PTPRM: variants seen among roughly 807,000 people sequenced by gnomAD.
PTPRM encodes the protein protein tyrosine phosphatase receptor type M.
PTPRM carries 47 observed loss-of-function variants against 186.7 expected under a neutral mutation model. The observed-to-expected ratio is 0.25, with a 90% CI of 0.20 to 0.32. The LOEUF is 0.32. Ranked by LOEUF, PTPRM falls within the 10% of genes least tolerant of loss-of-function variation. PTPRM has a pLI of 1.00. For missense variants in PTPRM, 1,494 were observed against 1,865.0 expected (o/e 0.80, Z 3.66); for synonymous variants, 668 against 674.9 (o/e 0.99, Z 0.16).
chr18:8,294,960 G>A (rs1347154308), intron 19 of PTPRM, among the ~76,000 whole-genome samples: 1 of 152,164 alleles, frequency 6.6e-6, no homozygotes, highest in Non-Finnish European at 1.5e-5. Flanking sequence ...TCGGTTGTAT[G>A]GTAACAGCAG....
intron 2 of PTPRM, among the ~76,000 whole-genome samples, chr18:7,804,252 G>A (rs540916404): frequency 1.3e-5 from 2 of 152,222 alleles, no homozygotes; most frequent in South Asian, 2.1e-4. Context: ...AACACTGAGG[G>A]GGGTGGGCTG....
At chr18:7,894,123 C>T (rs187071661) in intron 3 of PTPRM, among the ~76,000 whole-genome samples, 46 of 152,184 alleles carry the variant, frequency 3.0e-4, no homozygotes, top group South Asian at 2.7e-3. Context: ...ACACGTGTAC[C>T]GAGGAGATGC....
At chr18:7,631,497 G>C (rs2038191713) in intron 1 of PTPRM, among the ~76,000 whole-genome samples, 1 of 150,074 alleles carries the variant, frequency 6.7e-6, no homozygotes, top group African/African-American at 2.5e-5. Context: ...GGATTAATTG[G>C]TGGGTGCTGT....
intron 7 of PTPRM, among the ~76,000 whole-genome samples, chr18:7,984,596 TATATATACACAC>T (rs2082742231): frequency 8.5e-6 from 1 of 118,002 alleles, no homozygotes; most frequent in African/African-American, 3.5e-5. Flanking sequence ...TATATATATA[TATATATACACAC>T]ACACACACAC....
At chr18:8,396,749 C>G (rs185702285) in intron 32 of PTPRM, among the ~76,000 whole-genome samples, 17 of 152,278 alleles carry the variant, frequency 1.1e-4, no homozygotes, top group African/African-American at 4.1e-4. Flanking sequence ...GAAAGTTTTG[C>G]AATGTCTGGA....
At chr18:7,960,476 T>TACACACACAC (rs756838680) in intron 7 of PTPRM, among the ~76,000 whole-genome samples, 2 of 114,446 alleles carry the variant, frequency 1.7e-5, no homozygotes, top group African/African-American at 7.2e-5. Flanking sequence ...TATATATATA[T>TACACACACAC]ATATACACAC....
At chr18:8,024,020 G>A (rs887622498) in intron 7 of PTPRM, among the ~76,000 whole-genome samples, 5 of 152,048 alleles carry the variant, frequency 3.3e-5, no homozygotes, top group African/African-American at 1.2e-4. Flanking sequence ...TTTTTTATGG[G>A]CTACATGTAT....
At chr18:8,345,908 G>A (rs190353732) in intron 23 of PTPRM, among the ~76,000 whole-genome samples, 12 of 152,188 alleles carry the variant, frequency 7.9e-5, no homozygotes, top group African/African-American at 2.6e-4. Flanking sequence ...AATAGGATAG[G>A]AAAATGTATG....
intron 7 of PTPRM, among the ~76,000 whole-genome samples, chr18:8,013,996 A>G (rs1056501951): frequency 7.9e-5 from 12 of 152,200 alleles, no homozygotes; most frequent in African/African-American, 1.4e-4. Flanking sequence ...AGATTTCATC[A>G]TAAACAACAA....
At chr18:7,768,582 A>G (rs1404086926) in intron 1 of PTPRM, among the ~76,000 whole-genome samples, 1 of 152,154 alleles carries the variant, frequency 6.6e-6, no homozygotes, top group African/African-American at 2.4e-5. Context: ...GTAAATGTGC[A>G]AACTTATAGT....
chr18:7,836,432 G>A (rs1232958466), intron 2 of PTPRM, among the ~76,000 whole-genome samples: 2 of 152,076 alleles, frequency 1.3e-5, no homozygotes, highest in East Asian at 1.9e-4. Flanking sequence ...CTTGCACTAT[G>A]TCTTGAAAAG....
intron 7 of PTPRM, among the ~76,000 whole-genome samples, chr18:8,023,862 A>ACGCG (rs1257188289): frequency 1.3e-4 from 19 of 142,796 alleles, no homozygotes; most frequent in African/African-American, 4.7e-4. Context: ...ACACACACAC[A>ACGCG]CACACACACG....
intron 1 of PTPRM, among the ~76,000 whole-genome samples, chr18:7,726,158 C>T (rs2040545408): frequency 6.6e-6 from 1 of 152,172 alleles, no homozygotes; most frequent in South Asian, 2.1e-4. Flanking sequence ...CACGAGTGCA[C>T]TCCATTTCCC....
intron 11 of PTPRM, among the ~76,000 whole-genome samples, chr18:8,106,862 G>C (rs577570423): frequency 6.6e-6 from 1 of 152,290 alleles, no homozygotes; most frequent in South Asian, 2.1e-4. Flanking sequence ...CCAAGTCAAT[G>C]CTCTCTCATC....
chr18:8,066,444 A>G (rs1016013952), intron 7 of PTPRM, among the ~76,000 whole-genome samples: 2 of 152,156 alleles, frequency 1.3e-5, no homozygotes, highest in East Asian at 3.9e-4. Context: ...TCCCTGTGTC[A>G]TGGTATTGAT....
intron 29 of PTPRM, among the ~76,000 whole-genome samples, chr18:8,382,982 T>TC (rs1469962188): frequency 3.9e-5 from 6 of 152,122 alleles, no homozygotes; most frequent in African/African-American, 1.2e-4. Context: ...AGGCCACCTG[T>TC]CCCTCAGCTA....
intron 7 of PTPRM, among the ~76,000 whole-genome samples, chr18:7,996,083 G>C (rs1235104175): frequency 6.6e-6 from 1 of 151,842 alleles, no homozygotes; most frequent in Non-Finnish European, 1.5e-5. Flanking sequence ...TTCCCTTCAA[G>C]GTTTTGTAAA....
chr18:7,643,074 A>G (rs999870766), intron 1 of PTPRM, among the ~76,000 whole-genome samples: 2 of 151,914 alleles, frequency 1.3e-5, no homozygotes, highest in African/African-American at 4.8e-5. Context: ...CTTAAAAAGG[A>G]TATTCCTTAT....
chr18:8,321,724 C>T (rs2095347075), intron 22 of PTPRM, among the ~76,000 whole-genome samples: 2 of 152,188 alleles, frequency 1.3e-5, no homozygotes, highest in Non-Finnish European at 2.9e-5. Context: ...GCAGTACTAA[C>T]ATCACTGCTG....
Sources: allele counts gnomAD v4.1 joint callset (sites outside exome capture counted in the v4.1 genomes callset), GRCh38; gene constraint gnomAD v4.1.1; transcripts MANE v1.5; gene names NCBI Gene and HGNC (gene_info 2026-07-23, HGNC 2026-07-21).